The following RNF19A variants were observed in gnomAD, a reference collection of about 807,000 sequenced individuals.
RNF19A encodes E3 ubiquitin-protein ligase RNF19A.
A neutral mutation model predicts 75.7 loss-of-function variants in RNF19A; 32 were observed. The ratio of observed to expected loss-of-function variants is 0.42; its 90% confidence interval spans 0.32 to 0.57. The LOEUF is 0.57. Ranked by LOEUF, RNF19A falls within the 20% of genes least tolerant of loss-of-function variation. The probability of loss-of-function intolerance (pLI) is 0.10; values close to 1 mark genes in which losing one functional copy is unlikely to be tolerated. For synonymous variants in RNF19A, 335 were observed against 345.2 expected, an observed-to-expected ratio of 0.97 and a Z score of 0.33; for missense variants, 782 against 1,036.3, an observed-to-expected ratio of 0.75 and a Z score of 3.37.
intron 1 of RNF19A, among the ~76,000 whole-genome samples, chr8:100,335,321 G>A (rs1183676836): frequency 6.6e-6 from 1 of 152,128 alleles, no homozygotes; most frequent in Non-Finnish European, 1.5e-5. Flanking sequence ...TGTGAAAGAT[G>A]TACTATTATT....
chr8:100,321,623 A>C (rs2130355307), intron 1 of RNF19A, among the ~76,000 whole-genome samples: 1 of 152,354 alleles, frequency 6.6e-6, no homozygotes, highest in Non-Finnish European at 1.5e-5. Context: ...GTGCATTTTT[A>C]CAGAAAGTTT....
intron 1 of RNF19A, among the ~76,000 whole-genome samples, chr8:100,303,939 A>C (rs1398186214): frequency 6.6e-6 from 1 of 151,838 alleles, no homozygotes; most frequent in East Asian, 1.9e-4. Context: ...TCTGTCTCCA[A>C]AAAAAAGTTT....
At position 100,317,702 on chromosome 8, in the gene RNF19A, G is replaced by A. The variant is rs1017546466; in HGVS notation, c.-242-4330C>T. Among the ~76,000 whole-genome samples, 1 of 152,214 alleles carries A rather than the reference G, an allele frequency of 6.6e-6. No homozygotes were observed. The highest frequency in any genetic ancestry group is 2.4e-5 in the African/African-American group (1 of 41,450). ...ATTGAGCTGGTTAGACAAACTCCATGTTTGACAGGATGAGGTTGGCTCACG... is the reference window on the plus strand; with the variant it reads ...ATTGAGCTGGTTAGACAAACTCCATATTTGACAGGATGAGGTTGGCTCACG... On this transcript the variant is annotated intron_variant, in intron 1 of 3. Coordinates refer to the RNF19A transcript ENST00000519527. The surrounding 1 kb of genome is among the most constrained non-coding windows in gnomAD (Gnocchi z 4.3).
At chr8:100,263,256 A>T (rs1285776399) in intron 7 of RNF19A, among the ~76,000 whole-genome samples, 1 of 152,160 alleles carries the variant, frequency 6.6e-6, no homozygotes, top group Non-Finnish European at 1.5e-5. Flanking sequence ...CTGGCCAGGA[A>T]ATATGGTAAG....
intron 1 of RNF19A, among the ~76,000 whole-genome samples, chr8:100,316,750 C>T (rs1055015281): frequency 6.6e-6 from 1 of 152,244 alleles, no homozygotes; most frequent in Non-Finnish European, 1.5e-5. Flanking sequence ...GAGCTGCCTG[C>T]CAGTCCCGCA....
At chr8:100,290,982 T>C (rs1215913892) in intron 1 of RNF19A, among the ~76,000 whole-genome samples, 1 of 152,124 alleles carries the variant, frequency 6.6e-6, no homozygotes, top group Non-Finnish European at 1.5e-5. Context: ...AGGCAGTCCT[T>C]AGAGGTCAAC....
chr8:100,280,861 A>G (rs910021390), intron 2 of RNF19A, among the ~76,000 whole-genome samples: 1 of 152,198 alleles, frequency 6.6e-6, no homozygotes, highest in Non-Finnish European at 1.5e-5. Flanking sequence ...AGCTGTATTT[A>G]CTTGCCATTG....
intron 1 of RNF19A, among the ~76,000 whole-genome samples, chr8:100,291,179 A>C (rs1176094999): frequency 6.6e-6 from 1 of 152,214 alleles, no homozygotes; most frequent in East Asian, 1.9e-4. Context: ...ACCACAAAAT[A>C]TGGATGATAC....
At chr8:100,276,758 A>G (rs1386003515) in intron 2 of RNF19A, among the ~76,000 whole-genome samples, 1 of 151,946 alleles carries the variant, frequency 6.6e-6, no homozygotes, top group Non-Finnish European at 1.5e-5. Context: ...AAAAGGAGTA[A>G]AATGAGGGAT....
chr8:100,266,156 C>T (rs1460831599), intron 5 of RNF19A, among the ~76,000 whole-genome samples: 1 of 152,186 alleles, frequency 6.6e-6, no homozygotes, highest in African/African-American at 2.4e-5. Context: ...TTGCCACATT[C>T]TCTACTTTTT....
At chr8:100,299,919 C>T (rs181699764) in intron 1 of RNF19A, among the ~76,000 whole-genome samples, 18 of 152,280 alleles carry the variant, frequency 1.2e-4, no homozygotes, top group Admixed American at 3.3e-4. Context: ...TAAAGGACAC[C>T]ATGAGTAAGG....
At position 100,269,338 on chromosome 8, in the gene RNF19A, C is replaced by A. The variant is rs977548391; in HGVS notation, c.1029-391G>T. Among the ~76,000 whole-genome samples the A allele has an allele frequency of 4.0e-5, 6 of 149,906 alleles. No homozygotes were observed. Among genetic ancestry groups the A allele is most frequent in the Non-Finnish European group, 3.0e-5 (2 of 67,616 alleles). On this transcript the variant is annotated intron_variant, in intron 4 of 9. Transcript: ENST00000341084. The surrounding 1 kb of genome is among the most constrained non-coding windows in gnomAD (Gnocchi z 5.7). Reference sequence around the variant, plus strand: ...TCACAAACTCACTCTGTAGCCTAAACGATAAAATTTATGTATGGGAAAATT... The same window carrying A: ...TCACAAACTCACTCTGTAGCCTAAAAGATAAAATTTATGTATGGGAAAATT...
At chr8:100,310,247 G>C (rs890356266), upstream of RNF19A, 40 of 985,010 alleles carry the variant, frequency 4.1e-5, no homozygotes, top group Non-Finnish European at 4.6e-5. Flanking sequence ...CTCTGGACGC[G>C]GCTGTTCCCT....
At position 100,277,548 on chromosome 8, in the gene RNF19A, G is replaced by C. The variant is rs180987759; in HGVS notation, c.675-2387C>G. The stretch of plus-strand genomic sequence containing the variant: ...AGGATGGTCTTGATTTCCTGACCTT[G>C]TGATCTGCCCGCCTCAGCCTCCCAA... On this transcript the variant is annotated intron_variant, in intron 2 of 9. Transcript: ENST00000341084. Among the ~76,000 whole-genome samples the C allele has an allele frequency of 5.9e-5, 9 of 152,186 alleles. No homozygotes were observed. The East Asian group carries it at 1.7e-3, about 29-fold the overall frequency.
chr8:100,308,236 T>C (rs904754625), intron 1 of RNF19A, among the ~76,000 whole-genome samples: 1 of 152,182 alleles, frequency 6.6e-6, no homozygotes, highest in African/African-American at 2.4e-5. Context: ...ATATTTTCCA[T>C]GGACACGTAA....
rs1216977539 is a variant in RNF19A at position 100,322,679 on chromosome 8, T to C, written c.-242-9307A>G. On this transcript the variant is annotated intron_variant, in intron 1 of 3. Transcript: ENST00000519527. The surrounding 1 kb of genome is among the most constrained non-coding windows in gnomAD (Gnocchi z 5.1). ...CCTCATTAAGCTTAATCATTTCTTG[T>C]TTTTTGGTTTCAAGTGAGAGGCATG... is the stretch of plus-strand genomic sequence containing the variant. Among the ~76,000 whole-genome samples, 1 of 152,228 alleles carries C rather than the reference T, an allele frequency of 6.6e-6. No homozygotes were observed. The highest frequency in any genetic ancestry group is 1.5e-5 in the Non-Finnish European group (1 of 68,036).
chr8:100,292,293 A>G (rs767311401), intron 1 of RNF19A, among the ~76,000 whole-genome samples: 16 of 152,242 alleles, frequency 1.1e-4, no homozygotes, highest in Middle Eastern at 6.8e-3. Context: ...GATAGCAAAG[A>G]TATTTTTAGT....
chr8:100,297,521 T>G (rs1397183491), intron 1 of RNF19A, among the ~76,000 whole-genome samples: 1 of 152,210 alleles, frequency 6.6e-6, no homozygotes, highest in Non-Finnish European at 1.5e-5. Flanking sequence ...TCCTGGCCAA[T>G]GCAATCTGAC....
At chr8:100,293,896 T>C (rs1423058330) in intron 1 of RNF19A, among the ~76,000 whole-genome samples, 1 of 152,232 alleles carries the variant, frequency 6.6e-6, no homozygotes, top group Non-Finnish European at 1.5e-5. Context: ...ATCCATCCAG[T>C]GAAATTTTCA....
Sources: allele counts gnomAD v4.1 joint callset (sites outside exome capture counted in the v4.1 genomes callset), GRCh38; gene constraint gnomAD v4.1.1; non-coding constraint Gnocchi (gnomAD v3.1); transcripts MANE v1.5; gene names NCBI Gene and HGNC (gene_info 2026-07-23, HGNC 2026-07-21).